The following DHX8 variants were observed in gnomAD, a reference collection of about 807,000 sequenced individuals.
The protein encoded by DHX8 is ATP-dependent RNA helicase DHX8.
DHX8 carries 67 observed loss-of-function variants against 140.7 expected under a neutral mutation model. That is an observed-to-expected ratio of 0.48 (90% confidence interval 0.39 to 0.58). DHX8 has a LOEUF of 0.58. DHX8 is among the 20% of genes least tolerant of loss of function. DHX8 has a pLI of 0.00. For synonymous variants in DHX8, 533 were observed against 553.2 expected (o/e 0.96, Z 0.51); for missense variants, 887 against 1,550.7 (o/e 0.57, Z 7.19).
intron 22 of DHX8, among the ~76,000 whole-genome samples, chr17:43,522,616 C>T (rs1032309150): frequency 6.6e-5 from 10 of 151,636 alleles, no homozygotes; most frequent in Non-Finnish European, 1.3e-4. Context: ...GGTATGGTGG[C>T]GCATGCCTGT....
At position 43,521,356 on chromosome 17, in the gene DHX8, C is replaced by T. The variant is rs775647686; in HGVS notation, c.3067-13C>T. ...TTGAGTCGGAAATGTTCCTCTGTCC[C>T]ACTGCTTGGCAGGATAAACAAGCCC... On this transcript the variant is annotated splice_polypyrimidine_tract_variant and intron_variant, in intron 20 of 22. Transcript: ENST00000262415. The T allele has an allele frequency of 5.6e-6, 9 of 1,603,644 alleles. No individual in the cohort carries two copies. The highest frequency in any genetic ancestry group is 6.0e-6 in the Non-Finnish European group (7 of 1,173,730).
chr17:43,494,857 G>C (rs1311368417), intron 8 of DHX8, among the ~76,000 whole-genome samples: 3 of 147,944 alleles, frequency 2.0e-5, no homozygotes, highest in Admixed American at 6.8e-5. Flanking sequence ...TGTCACCCAG[G>C]CTGGAGTACA....
chr17:43,496,567 TAG>T (rs1465501842), intron 9 of DHX8, among the ~76,000 whole-genome samples: 1 of 151,976 alleles, frequency 6.6e-6, no homozygotes, highest in African/African-American at 2.4e-5. Context: ...CACCTGAGGT[TAG>T]GAGTTTGAAA....
intron 1 of DHX8, among the ~76,000 whole-genome samples, chr17:43,484,839 C>T (rs1968038012): frequency 6.6e-6 from 1 of 151,976 alleles, no homozygotes; most frequent in African/African-American, 2.4e-5. Flanking sequence ...ACGGGGGTCT[C>T]ACTGTATTGC....
intron 17 of DHX8, among the ~76,000 whole-genome samples, chr17:43,516,842 G>T (rs1970138242): frequency 1.3e-5 from 2 of 152,126 alleles, no homozygotes; most frequent in Admixed American, 1.3e-4. Context: ...ATAACTGTGG[G>T]GATGGTGTTC....
chr17:43,540,831 T>C (rs899217703), intron 3 of DHX8, among the ~76,000 whole-genome samples: 1 of 152,042 alleles, frequency 6.6e-6, no homozygotes, highest in African/African-American at 2.4e-5. Flanking sequence ...TGACCAACAT[T>C]TCCCTCCCTC....
intron 1 of DHX8, among the ~76,000 whole-genome samples, chr17:43,486,924 T>C (rs1361776335): frequency 6.6e-6 from 1 of 151,674 alleles, no homozygotes; most frequent in African/African-American, 2.4e-5. Context: ...GAGAATGTGC[T>C]TCAGACTGCT....
At chr17:43,543,095 C>G (rs1004394578) in intron 3 of DHX8, among the ~76,000 whole-genome samples, 2 of 152,082 alleles carry the variant, frequency 1.3e-5, no homozygotes, top group African/African-American at 4.8e-5. Context: ...CAGCATCCCC[C>G]CCTCAGACCT....
intron 11 of DHX8, among the ~76,000 whole-genome samples, chr17:43,503,610 C>T (rs533218515): frequency 6.6e-6 from 1 of 152,154 alleles, no homozygotes; most frequent in South Asian, 2.1e-4. Flanking sequence ...GGTTGCTGAG[C>T]TGAGATCTCG....
At chr17:43,486,191 C>CA (rs199805080) in intron 1 of DHX8, among the ~76,000 whole-genome samples, 2,358 of 91,900 alleles carry the variant, frequency 0.026, 20 homozygotes, top group Non-Finnish European at 0.033. Flanking sequence ...GACTTTATTT[C>CA]AAAAAAAAAA....
rs1300035784 is a variant in DHX8 at position 43,540,489 on chromosome 17, C to T, written c.*21-3673C>T. Among the ~76,000 whole-genome samples the T allele has an allele frequency of 8.5e-5, 13 of 152,116 alleles. No homozygotes were observed. The South Asian group carries it at 2.1e-3, about 24-fold the overall frequency. ...ATAAAAATAAAATAAAAACACGATT[C>T]CCAGTCCCCTCCTCCGGAGAGTCCC... On this transcript the variant is annotated intron_variant, in intron 3 of 3. Transcript: ENST00000589898.
chr17:43,528,709 C>T, downstream of DHX8: 1 of 1,614,168 alleles, frequency 6.2e-7, no homozygotes. Flanking sequence ...CTCGGGCTCA[C>T]ACACAAACTT....
downstream of DHX8, chr17:43,530,389 G>C: frequency 7.0e-7 from 1 of 1,435,862 alleles, no homozygotes; most frequent in Admixed American, 2.7e-5. Flanking sequence ...CTCAACTTGA[G>C]GGCTGCGGCT....
Position 43,490,389 on chromosome 17 carries a change from A to T in DHX8, c.235-2A>T. On this transcript the variant is annotated splice_acceptor_variant, in intron 2 of 22. Coordinates refer to ENST00000262415, the MANE Select transcript of DHX8 (RefSeq NM_004941.3). LOFTEE classifies it high-confidence loss of function. ...ATTTTCGTTCTATGTTTCTTTTCAA[A>T]GGATTCTCTTATTAGTAACTTGCTG... 6.2e-7 allele frequency: 1 copy of T among 1,611,944 alleles called. No homozygotes were observed. Among genetic ancestry groups the T allele is most frequent in the Non-Finnish European group, 8.5e-7 (1 of 1,179,280 alleles).
In DHX8 at chr17:43,494,905, G is replaced by A. The variant is rs188971001; in HGVS notation, c.1212+1019G>A. 3.1e-3 allele frequency among the ~76,000 whole-genome samples: 463 copies of A among 150,678 alleles called. 1 individual carries two copies. Among genetic ancestry groups the A allele is most frequent in the East Asian group, 6.2e-3 (31 of 4,972 alleles). ...CAGCTCACTGCAACCTCTGCCTCCC[G>A]GGTTCAAGCGATTGTCGTGCCTCAG... On this transcript the variant is annotated intron_variant, in intron 8 of 22. Coordinates refer to ENST00000262415, the MANE Select transcript of DHX8 (RefSeq NM_004941.3).
chr17:43,527,256 C>T (rs1462159691), downstream of DHX8, among the ~76,000 whole-genome samples: 1 of 152,172 alleles, frequency 6.6e-6, no homozygotes, highest in Non-Finnish European at 1.5e-5. Context: ...GATCTAATCT[C>T]CACTGGCCAG....
At chr17:43,525,949 T>C (rs1970599763), downstream of DHX8, 1 of 985,038 alleles carries the variant, frequency 1.0e-6, no homozygotes, top group South Asian at 4.7e-5. Flanking sequence ...GACAGCAGGG[T>C]TCGTTATCTT....
At position 43,508,307 on chromosome 17, in the gene DHX8, G is replaced by T. The variant is rs547901733; in HGVS notation, c.2321-32G>T. On this transcript the variant is annotated intron_variant, in intron 15 of 22. Coordinates refer to ENST00000262415, the MANE Select transcript of DHX8 (RefSeq NM_004941.3). ...TGTATAGGACACACATACACACACA[G>T]AAAGTAGATGAATGTTCTATTCTGC... 6 of 1,592,060 alleles carry T rather than the reference G, an allele frequency of 3.8e-6. No homozygotes were observed. In the Admixed American group the frequency reaches 5.2e-5, roughly 14 times the overall value.
intron 4 of DHX8, among the ~76,000 whole-genome samples, chr17:43,491,580 G>T (rs1968519324): frequency 1.3e-5 from 2 of 151,212 alleles, no homozygotes; most frequent in Admixed American, 6.6e-5. Context: ...AAAGCATTTT[G>T]ATTTTTAAAT....
Sources: gnomAD v4.1 joint callset for allele counts (sites outside exome capture counted in the v4.1 genomes callset) on GRCh38, gnomAD v4.1.1 for gene constraint, MANE v1.5 for transcripts, NCBI Gene and HGNC (gene_info 2026-07-23, HGNC 2026-07-21) for gene names.